The following ENOX2 variants were observed in gnomAD, a reference collection of about 807,000 sequenced individuals.
ENOX2 encodes the protein ecto-NOX disulfide-thiol exchanger 2, also known as APK1 antigen.
Under a neutral mutation model 45.0 loss-of-function variants are expected in ENOX2, and 36 were observed. The observed-to-expected ratio is 0.80, with a 90% CI of 0.61 to 1.06. The LOEUF (loss-of-function observed/expected upper bound fraction) is 1.06. Ranked by LOEUF, ENOX2 falls within the 50% of genes least tolerant of loss-of-function variation. The pLI is 0.00. For synonymous variants in ENOX2, 174 were observed against 152.3 expected, an observed-to-expected ratio of 1.14 and a Z score of -1.05; for missense variants, 423 against 462.5, an observed-to-expected ratio of 0.91 and a Z score of 0.78.
chrX:130,665,995 G>A (rs968848032), intron 8 of ENOX2, among the ~76,000 whole-genome samples: 6 of 111,168 alleles, frequency 5.4e-5, no homozygotes, highest in African/African-American at 2.0e-4. Flanking sequence ...GAGGTTTGGG[G>A]TAAAATGGTA....
rs766432515 is a variant in ENOX2, at chrX:130,777,562, C to G, written c.-39+5985G>C. 4.0e-3 allele frequency among the ~76,000 whole-genome samples: 443 copies of G among 110,597 alleles called. 2 individuals are homozygous for G. The highest frequency in any genetic ancestry group is 0.014 in the African/African-American group (417 of 30,380). ...ACTCTAAAACACTAGACTTAAACAT[C>G]TACCACTAGCCTCTATATTACCAAC... is the stretch of plus-strand genomic sequence containing the variant. On this transcript the variant is annotated intron_variant, in intron 3 of 14. Coordinates refer to ENST00000394363, the MANE Select transcript of ENOX2 (RefSeq NM_006375.4).
At chrX:130,842,752 GT>G (rs371188984) in intron 2 of ENOX2, among the ~76,000 whole-genome samples, 1 of 110,721 alleles carries the variant, frequency 9.0e-6, no homozygotes, top group South Asian at 3.8e-4. Context: ...ATCTTTCTCA[GT>G]TTTTTTTCAT....
intron 2 of ENOX2, among the ~76,000 whole-genome samples, chrX:130,876,113 C>G (rs1490197652): frequency 9.0e-6 from 1 of 111,458 alleles, no homozygotes; most frequent in African/African-American, 3.3e-5. Context: ...ATATATATAC[C>G]AAAGAGTAAT....
At chrX:130,641,741 A>AC (rs1569478944) in intron 10 of ENOX2, among the ~76,000 whole-genome samples, 5 of 106,403 alleles carry the variant, frequency 4.7e-5, no homozygotes, top group African/African-American at 1.7e-4. Flanking sequence ...AAAAAAAAAA[A>AC]GAGAGAATTA....
intron 2 of ENOX2, among the ~76,000 whole-genome samples, chrX:130,854,270 T>A (rs1165303719): frequency 2.7e-5 from 3 of 111,804 alleles, no homozygotes; most frequent in African/African-American, 9.7e-5. Context: ...TTAAAAATCC[T>A]GGATGGACTC....
intron 3 of ENOX2, among the ~76,000 whole-genome samples, chrX:130,739,901 T>C (rs1166269677): frequency 8.9e-6 from 1 of 112,470 alleles, no homozygotes; most frequent in Non-Finnish European, 1.9e-5. Context: ...TTTATGCTTA[T>C]TTGAAGACTT....
At chrX:130,809,351 T>C (rs1051535535) in intron 2 of ENOX2, among the ~76,000 whole-genome samples, 1 of 112,214 alleles carries the variant, frequency 8.9e-6, no homozygotes, top group African/African-American at 3.2e-5. Context: ...AACACTGTCA[T>C]GAAGAAAGTT....
At chrX:130,776,518 A>AC (rs2039860021) in intron 3 of ENOX2, among the ~76,000 whole-genome samples, 1 of 110,628 alleles carries the variant, frequency 9.0e-6, no homozygotes, top group African/African-American at 3.3e-5. Flanking sequence ...TCGCCATGTG[A>AC]CATGCCTGCT....
chrX:130,820,682 A>T (rs771587266), intron 2 of ENOX2, among the ~76,000 whole-genome samples: 13 of 112,938 alleles, frequency 1.2e-4, no homozygotes, highest in Admixed American at 5.6e-4. Context: ...AGTGGAGAAC[A>T]TTACGTTAAG....
chrX:130,649,850 T>G (rs2036353205), intron 10 of ENOX2, among the ~76,000 whole-genome samples: 1 of 111,558 alleles, frequency 9.0e-6, no homozygotes, highest in Non-Finnish European at 1.9e-5. Context: ...GAAGATGATT[T>G]TTATATACAA....
At chrX:130,778,402 T>C (rs915181780) in intron 3 of ENOX2, among the ~76,000 whole-genome samples, 6 of 111,884 alleles carry the variant, frequency 5.4e-5, no homozygotes, top group African/African-American at 1.9e-4. Flanking sequence ...TTCACTGTCT[T>C]TATATTGTCA....
chrX:130,840,711 A>G (rs1352640086), intron 2 of ENOX2, among the ~76,000 whole-genome samples: 3 of 110,335 alleles, frequency 2.7e-5, no homozygotes, highest in African/African-American at 9.9e-5. Flanking sequence ...TAAAAAAAAT[A>G]CAAAAATTAG....
intron 3 of ENOX2, among the ~76,000 whole-genome samples, chrX:130,743,835 T>C (rs2039039857): frequency 9.0e-6 from 1 of 111,387 alleles, no homozygotes; most frequent in Non-Finnish European, 1.9e-5. Flanking sequence ...GGAGAAAACT[T>C]GTGGAAACTG....
chrX:130,643,048 G>A (rs62603887), intron 10 of ENOX2, among the ~76,000 whole-genome samples: 2,087 of 111,480 alleles, frequency 0.019, 43 homozygotes, highest in Admixed American at 0.081. Flanking sequence ...ACAAGAAATG[G>A]AAGGGGAGAA....
intron 2 of ENOX2, among the ~76,000 whole-genome samples, chrX:130,850,772 T>C (rs1363042598): frequency 8.9e-6 from 1 of 112,429 alleles, no homozygotes; most frequent in African/African-American, 3.2e-5. Flanking sequence ...CCAAAGTAGG[T>C]AAATCAAGTT....
intron 2 of ENOX2, among the ~76,000 whole-genome samples, chrX:130,868,526 G>C (rs770695862): frequency 2.7e-5 from 3 of 111,696 alleles, no homozygotes; most frequent in African/African-American, 9.8e-5. Context: ...GGTGTTCATG[G>C]ACCACACTTA....
chrX:130,644,412 C>A (rs1375095971), intron 10 of ENOX2, among the ~76,000 whole-genome samples: 2 of 112,240 alleles, frequency 1.8e-5, no homozygotes, highest in African/African-American at 6.5e-5. Flanking sequence ...GAACTAAAAA[C>A]TTGTGTCCAC....
At chrX:130,751,755 T>G (rs185962434) in intron 3 of ENOX2, among the ~76,000 whole-genome samples, 46 of 112,546 alleles carry the variant, frequency 4.1e-4, no homozygotes, top group South Asian at 2.9e-3. Flanking sequence ...CTAGCCATCT[T>G]AATGGATACA....
intron 2 of ENOX2, among the ~76,000 whole-genome samples, chrX:130,895,719 G>A (rs1049125928): frequency 1.8e-5 from 2 of 112,086 alleles, no homozygotes; most frequent in Non-Finnish European, 1.9e-5. Flanking sequence ...AAAGGGGAGG[G>A]AAGCAGAGCT....
Sources: allele counts gnomAD v4.1 joint callset (sites outside exome capture counted in the v4.1 genomes callset), GRCh38; gene constraint gnomAD v4.1.1; transcripts MANE v1.5; gene names NCBI Gene and HGNC (gene_info 2026-07-23, HGNC 2026-07-21).